OSBPL6: variants seen among roughly 807,000 people sequenced by gnomAD.
OSBPL6 encodes oxysterol binding protein like 6, also known as oxysterol-binding protein-related protein 6.
A neutral mutation model predicts 125.8 loss-of-function variants in OSBPL6; 49 were observed. The ratio of observed to expected loss-of-function variants is 0.39; its 90% CI spans 0.31 to 0.49. The LOEUF (loss-of-function observed/expected upper bound fraction) is 0.49, where lower values mean the gene tolerates loss of function less well. OSBPL6 is among the 20% of genes least tolerant of loss of function. The pLI is 0.88. For synonymous variants in OSBPL6, 394 were observed against 391.8 expected (o/e 1.01, Z -0.07); for missense variants, 986 against 1,135.4 (o/e 0.87, Z 1.89).
At chr2:178,261,423 G>GT (rs2092060448) in intron 1 of OSBPL6, among the ~76,000 whole-genome samples, 1 of 149,758 alleles carries the variant, frequency 6.7e-6, no homozygotes, top group Admixed American at 6.7e-5. Flanking sequence ...GAAGAAAAAC[G>GT]TAAGAGAACT....
intron 11 of OSBPL6, among the ~76,000 whole-genome samples, chr2:178,346,943 A>G (rs1310410634): frequency 1.3e-5 from 2 of 152,146 alleles, no homozygotes; most frequent in East Asian, 3.8e-4. Flanking sequence ...TTCCCAGGGA[A>G]CCATCTGATT....
intron 1 of OSBPL6, among the ~76,000 whole-genome samples, chr2:178,238,419 A>C (rs893444761): frequency 6.6e-6 from 1 of 152,140 alleles, no homozygotes; most frequent in Non-Finnish European, 1.5e-5. Context: ...TTTACGTAAT[A>C]ATGGCCCCAA....
intron 20 of OSBPL6, among the ~76,000 whole-genome samples, chr2:178,388,048 T>C (rs1285874361): frequency 6.6e-6 from 1 of 152,076 alleles, no homozygotes; most frequent in Admixed American, 6.5e-5. Flanking sequence ...TTTTCCTAGG[T>C]ATATATGGTG....
At position 178,396,575 on chromosome 2, in the gene OSBPL6, A is replaced by T. The variant is rs553381715; in HGVS notation, c.*1016A>T. 6.6e-6 allele frequency: 1 copy of T among 152,268 alleles called. No homozygotes were observed. The highest frequency in any genetic ancestry group is 1.5e-5 in the Non-Finnish European group (1 of 68,054). 9.4% of individuals were successfully genotyped at this position (152,268 alleles called of 1,614,324 possible). A position where few individuals can be genotyped will look rare whatever the true frequency, so the allele number is the denominator to read the frequency against. On this transcript the variant is annotated 3_prime_UTR_variant, in exon 25 of 25. Coordinates refer to ENST00000190611, the MANE Select transcript of OSBPL6 (RefSeq NM_032523.4). Reference sequence around the variant, plus strand: ...TTTTGAGTGAAGCACCATGTAATCCATGTCTCAATCCCATGCCCGCTCCAC... The same window carrying T: ...TTTTGAGTGAAGCACCATGTAATCCTTGTCTCAATCCCATGCCCGCTCCAC...
Position 178,389,137 on chromosome 2 carries a change from A to G in OSBPL6, c.2285A>G (p.Lys762Arg). 6.2e-7 allele frequency: 1 copy of G among 1,613,728 alleles called. No individual in the cohort carries two copies. Among genetic ancestry groups the G allele is most frequent in the Non-Finnish European group, 8.5e-7 (1 of 1,179,920 alleles). The change falls in exon 21 of 25, where the codon AAA (lysine) becomes AGA (arginine). Residue 762 changes from lysine to arginine, a missense_variant. Lys to Arg is a conservative substitution (Grantham distance 26). Transcript: ENST00000190611. ...ACCAAAAGCAGTGTTTGCATTTGCA[A>G]ACTCACATTTGTCAAGGTAAATACT... ...RNTKSSVCIC[K>R]LTFVKVNYWN...
At chr2:178,322,471 A>G (rs1387373741) in intron 3 of OSBPL6, among the ~76,000 whole-genome samples, 1 of 152,194 alleles carries the variant, frequency 6.6e-6, no homozygotes, top group Non-Finnish European at 1.5e-5. Context: ...TTTCTAGAAT[A>G]TAAGCATCAT....
chr2:178,370,198 G>A (rs1294186106), intron 13 of OSBPL6, among the ~76,000 whole-genome samples: 1 of 152,132 alleles, frequency 6.6e-6, no homozygotes, highest in Non-Finnish European at 1.5e-5. Flanking sequence ...CCAGGAGGCC[G>A]AGGTTGCAGT....
intron 8 of OSBPL6, among the ~76,000 whole-genome samples, chr2:178,333,658 A>G (rs190019963): frequency 8.6e-4 from 131 of 152,330 alleles, no homozygotes; most frequent in African/African-American, 2.9e-3. Flanking sequence ...ACATTTATTT[A>G]ATCAACATTC....
chr2:178,246,596 A>G (rs1020496782), intron 1 of OSBPL6, among the ~76,000 whole-genome samples: 1 of 152,168 alleles, frequency 6.6e-6, no homozygotes, highest in Non-Finnish European at 1.5e-5. Flanking sequence ...ATCATATTGT[A>G]CCATGCCCAA....
At chr2:178,376,921 T>A (rs1165775414) in intron 15 of OSBPL6, among the ~76,000 whole-genome samples, 1 of 152,192 alleles carries the variant, frequency 6.6e-6, no homozygotes, top group Admixed American at 6.5e-5. Context: ...TACTTGCAAC[T>A]TCTCCCTTTA....
At chr2:178,224,262 A>T (rs937256372) in intron 1 of OSBPL6, among the ~76,000 whole-genome samples, 8 of 152,222 alleles carry the variant, frequency 5.3e-5, no homozygotes, top group Admixed American at 3.9e-4. Flanking sequence ...CTAAATAGTG[A>T]ATAAGAGCAA....
At chr2:178,354,172 C>T (rs1334987168) in intron 12 of OSBPL6, among the ~76,000 whole-genome samples, 4 of 152,182 alleles carry the variant, frequency 2.6e-5, no homozygotes, top group South Asian at 2.1e-4. Flanking sequence ...GAAGAAACTG[C>T]GTCAGTTAAC....
intron 11 of OSBPL6, among the ~76,000 whole-genome samples, chr2:178,343,349 A>T (rs1228028491): frequency 6.6e-6 from 1 of 151,996 alleles, no homozygotes; most frequent in Non-Finnish European, 1.5e-5. Flanking sequence ...ATCGTGCCAC[A>T]ACACTCCAGC....
intron 2 of OSBPL6, among the ~76,000 whole-genome samples, chr2:178,293,008 T>TA (rs1243203412): frequency 2.6e-5 from 4 of 151,616 alleles, no homozygotes; most frequent in Non-Finnish European, 5.9e-5. Flanking sequence ...AATGTCTATT[T>TA]TTTTTCAACT....
chr2:178,314,115 T>A (rs1687535027), intron 3 of OSBPL6, among the ~76,000 whole-genome samples: 1 of 152,264 alleles, frequency 6.6e-6, no homozygotes, highest in African/African-American at 2.4e-5. Flanking sequence ...CAAATCGCTC[T>A]GTTGAATGAA....
intron 1 of OSBPL6, among the ~76,000 whole-genome samples, chr2:178,270,049 C>A (rs2092342415): frequency 6.6e-6 from 1 of 152,214 alleles, no homozygotes; most frequent in Non-Finnish European, 1.5e-5. Context: ...GCCACAGCCT[C>A]TCTTTGCTCC....
chr2:178,288,164 C>T lies in OSBPL6; in HGVS notation c.-156+3043C>T, dbSNP rs114409705. On this transcript the variant is annotated intron_variant, in intron 2 of 24. Transcript: ENST00000190611. ...CAAGCAGGAATTGGCAATGCAGACA[C>T]CATTTCACCTGCCCTGTTTCTTCCT... 7.2e-4 allele frequency among the ~76,000 whole-genome samples: 110 copies of T among 152,202 alleles called. 1 individual carries two copies. The highest frequency in any genetic ancestry group is 2.4e-3 in the African/African-American group (100 of 41,520).
rs989445024 is a variant in OSBPL6, at chr2:178,304,836, G to A, written c.-155-1194G>A. On this transcript the variant is annotated intron_variant, in intron 2 of 24. Transcript: ENST00000190611. ...TAGTCATATTGGCTACCACTCATCT[G>A]TTGATCATGTCACGCCAGACACCCT... 3.9e-5 allele frequency among the ~76,000 whole-genome samples: 6 copies of A among 152,278 alleles called. No individual in the cohort carries two copies. In the South Asian group the frequency reaches 8.3e-4, roughly 21 times the overall value.
intron 1 of OSBPL6, among the ~76,000 whole-genome samples, chr2:178,201,191 A>G (rs1192353403): frequency 3.9e-5 from 6 of 152,212 alleles, no homozygotes; most frequent in Admixed American, 6.5e-5. Flanking sequence ...GAAGATTAAG[A>G]ATCATGGTTA....
Sources: gnomAD v4.1 joint callset for allele counts (sites outside exome capture counted in the v4.1 genomes callset) on GRCh38, gnomAD v4.1.1 for gene constraint, MANE v1.5 for transcripts, NCBI Gene and HGNC (gene_info 2026-07-23, HGNC 2026-07-21) for gene names.